MYH15: variants seen among roughly 807,000 people sequenced by gnomAD.
The protein encoded by MYH15 is myosin-15.
In MYH15, 227 loss-of-function variants were observed where a neutral mutation model predicts 240.5. That is an observed-to-expected ratio of 0.94 (90% CI 0.85 to 1.05). MYH15 has a LOEUF of 1.05. Ranked by LOEUF, MYH15 falls within the 50% of genes least tolerant of loss-of-function variation. MYH15 has a pLI of 0.00. For missense variants in MYH15, 2,217 were observed against 2,247.5 expected (o/e 0.99, Z 0.27); for synonymous variants, 785 against 796.7 (o/e 0.99, Z 0.25).
chr3:108,413,986 C>T (rs1240692977), intron 30 of MYH15, among the ~76,000 whole-genome samples: 1 of 152,172 alleles, frequency 6.6e-6, no homozygotes, highest in Non-Finnish European at 1.5e-5. Context: ...TAGAAAGAGC[C>T]TCCTTTCTCT....
intron 30 of MYH15, among the ~76,000 whole-genome samples, chr3:108,413,848 T>C (rs898340582): frequency 6.6e-6 from 1 of 152,170 alleles, no homozygotes; most frequent in Non-Finnish European, 1.5e-5. Flanking sequence ...ACGACTTTGA[T>C]GGAGACACGT....
At chr3:108,463,585 T>C (rs1479476544) in intron 15 of MYH15, among the ~76,000 whole-genome samples, 1 of 152,184 alleles carries the variant, frequency 6.6e-6, no homozygotes, top group Non-Finnish European at 1.5e-5. Flanking sequence ...TCCACCCATC[T>C]CAGCCTCCCA....
chr3:108,414,205 G>C (rs1322601480), intron 30 of MYH15, 27 bp downstream of exon 30: 1 of 1,604,966 alleles, frequency 6.2e-7, no homozygotes, highest in Non-Finnish European at 8.5e-7. Flanking sequence ...AGTAACTCCA[G>C]GTTAAGGATA....
At chr3:108,476,615 T>C in intron 11 of MYH15, 100 bp from the exon 12 acceptor site, 1 of 753,944 alleles carries the variant, frequency 1.3e-6, no homozygotes, top group Middle Eastern at 2.3e-4. Context: ...AGAAAGATAG[T>C]GTGTTTACAT....
chr3:108,488,408 A>G lies in MYH15; in HGVS notation c.872-1882T>C, dbSNP rs749950689. ...CTGAAGCCTCAATCTCCCAGGCTCA[A>G]GTGATCCTCCCACCTCAGCCTCCCT... On this transcript the variant is annotated intron_variant, in intron 9 of 40. Coordinates refer to ENST00000693548, the MANE Select transcript of MYH15 (RefSeq NM_014981.3). 1.2e-4 allele frequency among the ~76,000 whole-genome samples: 19 copies of G among 152,280 alleles called. No individual in the cohort carries two copies. The South Asian group carries it at 1.5e-3, about 12-fold the overall frequency.
chr3:108,384,586 T>C (rs3860537), intron 39 of MYH15, 101 bp downstream of exon 39: 838,647 of 1,036,122 alleles, frequency 0.81, 342,442 homozygotes, highest in East Asian at 1. Context: ...GCTGAGCAGG[T>C]CCTCTCTGAC....
chr3:108,479,740 T>G (rs1413135888), intron 11 of MYH15, among the ~76,000 whole-genome samples: 1 of 152,082 alleles, frequency 6.6e-6, no homozygotes. Context: ...AAAGTATGAC[T>G]TCACCTGAAA....
At position 108,444,744 on chromosome 3, in the gene MYH15, A is replaced by G. The variant is rs1206182655; in HGVS notation, c.2551T>C (p.Leu851=). The change falls in exon 22 of 41, where the codon TTA becomes CTA. Residue 851 remains leucine (L), a synonymous_variant. Transcript: ENST00000693548. ...VAGLKEECAQ[L]QKALEKSEFQ... ...TCTGATTTCTCCAAGGCTTTCTGTA[A>G]TTGTGCACACTCTTCCTTCAGTCCA... is the stretch of plus-strand genomic sequence containing the variant. The G allele has an allele frequency of 1.2e-6, 2 of 1,613,944 alleles. No individual in the cohort carries two copies. The highest frequency in any genetic ancestry group is 2.2e-5 in the South Asian group (2 of 91,076).
intron 3 of MYH15, 69 bp from the exon 4 acceptor site, chr3:108,500,343 G>T: frequency 6.7e-7 from 1 of 1,496,038 alleles, no homozygotes; most frequent in Non-Finnish European, 9.1e-7. Context: ...AGCTCTTCCA[G>T]TGTCAAGTAA....
At chr3:108,415,236 C>T (rs1229014420) in intron 29 of MYH15, among the ~76,000 whole-genome samples, 1 of 152,034 alleles carries the variant, frequency 6.6e-6, no homozygotes, top group Non-Finnish European at 1.5e-5. Flanking sequence ...CCTGACGGGT[C>T]CTCAAGTGTC....
intron 11 of MYH15, among the ~76,000 whole-genome samples, chr3:108,483,605 A>G (rs2083284146): frequency 6.6e-6 from 1 of 152,204 alleles, no homozygotes; most frequent in Admixed American, 6.5e-5. Flanking sequence ...ATATACACAA[A>G]TGAATTGAAA....
chr3:108,426,230 A>G (rs1432291000), intron 27 of MYH15, among the ~76,000 whole-genome samples: 2 of 151,680 alleles, frequency 1.3e-5, no homozygotes, highest in East Asian at 1.9e-4. Context: ...CCCTAAGGAC[A>G]TAGACAACCA....
chr3:108,486,502 G>A lies in MYH15; in HGVS notation c.896C>T (p.Pro299Leu), dbSNP rs1279629198. The A allele has an allele frequency of 6.2e-7, 1 of 1,611,518 alleles. No homozygotes were observed. The highest frequency in any genetic ancestry group is 8.5e-7 in the Non-Finnish European group (1 of 1,178,196). Residue 299 changes from proline (P) to leucine (L), a missense_variant, in exon 10 of 41, where the codon CCC becomes CTC. Transcript: ENST00000693548. Reference protein sequence around the residue: ...LHDLLLVSANPSDFHFCSCGA... With the variant: ...LHDLLLVSANLSDFHFCSCGA... ...ACAGGAGCAAAAGTGGAAGTCTGAG[G>A]GATTTGCAGATACCAGGAGCAGGTC...
chr3:108,548,859 ATTC>A, the MYH15 span, among the ~76,000 whole-genome samples: 3 of 152,130 alleles, frequency 2.0e-5, no homozygotes, highest in African/African-American at 4.8e-5. Flanking sequence ...ATCTCTTTTT[ATTC>A]TTAAGTAACT....
At position 108,426,710 on chromosome 3, in the gene MYH15, G is replaced by A. The variant is rs75625530; in HGVS notation, c.3702+1782C>T. Among the ~76,000 whole-genome samples, 1,410 of 152,196 alleles carry A rather than the reference G, an allele frequency of 9.3e-3. 17 individuals are homozygous for A. The highest frequency in any genetic ancestry group is 0.028 in the African/African-American group (1,146 of 41,514). ...ACTATGGCAGTGGTGGTACTGTGAGGGCAGAGCTGCCCCCAACACCCCAGA... is the reference window on the plus strand; with the variant it reads ...ACTATGGCAGTGGTGGTACTGTGAGAGCAGAGCTGCCCCCAACACCCCAGA... On this transcript the variant is annotated intron_variant, in intron 27 of 40. Transcript: ENST00000693548.
At chr3:108,518,752 A>G (rs1005209765) in intron 1 of MYH15, among the ~76,000 whole-genome samples, 38 of 152,262 alleles carry the variant, frequency 2.5e-4, no homozygotes, top group East Asian at 1.9e-4. Context: ...CTAATTCTTA[A>G]TCATCCTTTG....
chr3:108,453,418 A>G (rs1208190622), intron 21 of MYH15, among the ~76,000 whole-genome samples: 1 of 152,242 alleles, frequency 6.6e-6, no homozygotes, highest in Admixed American at 6.5e-5. Context: ...CAACTTCAGC[A>G]TCCCTTGCTC....
At chr3:108,504,563 T>C (rs1346426241) in intron 2 of MYH15, among the ~76,000 whole-genome samples, 1 of 152,216 alleles carries the variant, frequency 6.6e-6, no homozygotes, top group Non-Finnish European at 1.5e-5. Context: ...CAATAATATC[T>C]GTTTGTTACA....
At chr3:108,402,402 T>A (rs2082512612) in intron 33 of MYH15, among the ~76,000 whole-genome samples, 2 of 152,238 alleles carry the variant, frequency 1.3e-5, no homozygotes. Flanking sequence ...TACCTGGGGC[T>A]GTAGACCAGG....
Sources: gnomAD v4.1 joint callset for allele counts (sites outside exome capture counted in the v4.1 genomes callset) on GRCh38, gnomAD v4.1.1 for gene constraint, MANE v1.5 for transcripts, NCBI Gene and HGNC (gene_info 2026-07-23, HGNC 2026-07-21) for gene names.